The following SP100 variants were observed in gnomAD, a reference collection of about 807,000 sequenced individuals.
SP100 encodes nuclear autoantigen Sp-100.
In SP100, 84 loss-of-function variants were observed where a neutral mutation model predicts 130.0. That is an observed-to-expected ratio of 0.65 (90% CI 0.54 to 0.77). The LOEUF (loss-of-function observed/expected upper bound fraction) is 0.77. Among genes scored for constraint, SP100 ranks in the 30% least tolerant of loss-of-function variants. The pLI is 0.00. For synonymous variants in SP100, 331 were observed against 351.7 expected (o/e 0.94, Z 0.66); for missense variants, 978 against 1,052.2 (o/e 0.93, Z 0.97).
At chr2:230,489,475 C>T (rs1025944708) in intron 17 of SP100, among the ~76,000 whole-genome samples, 3 of 151,566 alleles carry the variant, frequency 2.0e-5, no homozygotes, top group African/African-American at 7.3e-5. Flanking sequence ...ATAACCAGCT[C>T]CTGGTTTTTT....
chr2:230,416,222 A>ACTGCACGCACG lies in SP100; in HGVS notation c.-66_-65insCGCTGCACGCA. 1 of 1,253,544 alleles carries ACTGCACGCACG rather than the reference A, an allele frequency of 8.0e-7. No homozygotes were observed. Among genetic ancestry groups the ACTGCACGCACG allele is most frequent in the Non-Finnish European group, 1.2e-6 (1 of 863,564 alleles). 77.7% of individuals were successfully genotyped at this position (1,253,544 alleles called of 1,614,324 possible). On this transcript the variant is annotated 5_prime_UTR_variant, in exon 1 of 29. Coordinates refer to ENST00000340126, the MANE Select transcript of SP100 (RefSeq NM_001080391.2). The stretch of plus-strand genomic sequence containing the variant: ...TCCTGCTTGGGGCCTGGGCAGCCAC[A>ACTGCACGCACG]CTGCACGCAGGCTGGGCCGACTGAG...
chr2:230,452,440 T>C (rs1456263933), intron 8 of SP100, among the ~76,000 whole-genome samples: 1 of 152,154 alleles, frequency 6.6e-6, no homozygotes, highest in East Asian at 1.9e-4. Context: ...AACTCCTAGA[T>C]GCTGGGATTA....
chr2:230,473,154 G>A (rs2065359140), intron 15 of SP100, 170 bp from the exon 16 acceptor site: 2 of 513,998 alleles, frequency 3.9e-6, no homozygotes, highest in Non-Finnish European at 7.0e-6. Flanking sequence ...GGTTATTTAT[G>A]AACAGAAGGG....
At chr2:230,520,240 T>G (rs1363591794) in intron 24 of SP100, among the ~76,000 whole-genome samples, 1 of 152,160 alleles carries the variant, frequency 6.6e-6, no homozygotes, top group Non-Finnish European at 1.5e-5. Flanking sequence ...GCTGGGGGTA[T>G]GCCCTGACAC....
intron 24 of SP100, among the ~76,000 whole-genome samples, chr2:230,519,218 T>C (rs891818702): frequency 6.6e-6 from 1 of 152,196 alleles, no homozygotes; most frequent in African/African-American, 2.4e-5. Context: ...AAGGGTATTG[T>C]CTGATATTGG....
intron 2 of SP100, 96 bp from the exon 3 acceptor site, chr2:230,442,841 T>G (rs189449087): frequency 2.8e-6 from 3 of 1,056,128 alleles, no homozygotes; most frequent in Non-Finnish European, 2.9e-6. Context: ...ATATGTTCAT[T>G]CTTTGTAGCT....
At chr2:230,470,379 C>A (rs72983756) in intron 15 of SP100, 35,603 of 1,069,300 alleles carry the variant, frequency 0.033, 652 homozygotes, top group Middle Eastern at 0.05. Flanking sequence ...TTTAAACCTG[C>A]TCTCATTCCT....
intron 26 of SP100, 145 bp from the exon 27 acceptor site, chr2:230,541,156 A>G (rs1192705866): frequency 1.6e-6 from 2 of 1,233,950 alleles, no homozygotes; most frequent in Non-Finnish European, 2.3e-6. Context: ...ATTCCAAAGA[A>G]AAATCCCGGT....
At chr2:230,527,351 A>G (rs1008345966) in intron 24 of SP100, among the ~76,000 whole-genome samples, 1 of 152,180 alleles carries the variant, frequency 6.6e-6, no homozygotes, top group African/African-American at 2.4e-5. Flanking sequence ...GGAGAAATAA[A>G]ATTCTTTACA....
intron 18 of SP100, among the ~76,000 whole-genome samples, chr2:230,496,077 T>G (rs1483079147): frequency 2.0e-5 from 3 of 152,220 alleles, no homozygotes; most frequent in African/African-American, 7.2e-5. Context: ...CTTGGTTATA[T>G]TCCAGTTTGT....
At position 230,462,520 on chromosome 2, in the gene SP100, T is replaced by C. The variant is rs1233995112; in HGVS notation, c.1057+2T>C. On this transcript the variant is annotated splice_donor_variant, in intron 10 of 28. Transcript: ENST00000340126. LOFTEE classifies it high-confidence loss of function. ...TCTCAGCACCGAGAAGTGAGCCTGG[T>C]AAGGAAGTTTGGGAGAGCAAGGCTT... 5.6e-6 allele frequency: 9 copies of C among 1,610,622 alleles called. No individual in the cohort carries two copies. Among genetic ancestry groups the C allele is most frequent in the Middle Eastern group, 1.6e-4 (1 of 6,080 alleles).
chr2:230,444,088 T>C, intron 3 of SP100, 90 bp from the exon 4 acceptor site: 3 of 961,342 alleles, frequency 3.1e-6, no homozygotes, highest in Non-Finnish European at 4.6e-6. Flanking sequence ...GTAGAGAAAT[T>C]AGAATACAGT....
At chr2:230,465,704 C>G (rs572531157) in intron 11 of SP100, among the ~76,000 whole-genome samples, 2 of 152,116 alleles carry the variant, frequency 1.3e-5, no homozygotes, top group South Asian at 4.2e-4. Context: ...ACACATTTAC[C>G]CATGTGACAA....
At chr2:230,527,857 A>T (rs1331960669) in intron 24 of SP100, among the ~76,000 whole-genome samples, 1 of 152,182 alleles carries the variant, frequency 6.6e-6, no homozygotes, top group African/African-American at 2.4e-5. Flanking sequence ...ATGGTAAAGG[A>T]ATCAGTTCAA....
intron 17 of SP100, among the ~76,000 whole-genome samples, chr2:230,482,915 C>T (rs2065901574): frequency 6.6e-6 from 1 of 152,118 alleles, no homozygotes; most frequent in Admixed American, 6.5e-5. Context: ...ATTTTGTCAA[C>T]CCTTGAAAAC....
intron 19 of SP100, among the ~76,000 whole-genome samples, chr2:230,499,922 G>A (rs948885611): frequency 1.4e-4 from 21 of 152,090 alleles, no homozygotes; most frequent in African/African-American, 4.8e-4. Flanking sequence ...ATAAGGCCTG[G>A]AGGTGGGGAA....
In SP100 at chr2:230,540,979, C is replaced by A; in HGVS notation, c.2314C>A (p.Leu772Met). 1 of 1,612,070 alleles carries A rather than the reference C, an allele frequency of 6.2e-7. No homozygotes were observed. The highest frequency in any genetic ancestry group is 8.5e-7 in the Non-Finnish European group (1 of 1,178,712). ...ATCTGAAGTCCTGATGAGGCAGATG[C>A]TGCCTGAGGAGCAGTTGGTGAGTAA... ...QESEVLMRQM[L>M]PEEQLKCEFL... is the part of the protein sequence containing the mutation. The change falls in exon 26 of 29, where the codon CTG (leucine) becomes ATG (methionine). Residue 772 changes from leucine (L) to methionine (M), a missense_variant. By Grantham distance (15) the Leu-to-Met change is conservative. Transcript: ENST00000340126.
At position 230,526,253 on chromosome 2, in the gene SP100, G is replaced by A. The variant is rs62193458; in HGVS notation, c.2095-13014G>A. On this transcript the variant is annotated intron_variant, in intron 24 of 28. Transcript: ENST00000340126. The stretch of plus-strand genomic sequence containing the variant: ...ATTTGCTGTTTTGCAGCCTCTGGTG[G>A]TGATACCCAGGCAAACAGGGTCTGG... 3.9e-3 allele frequency among the ~76,000 whole-genome samples: 600 copies of A among 152,278 alleles called. 1 individual carries two copies. The highest frequency in any genetic ancestry group is 6.9e-3 in the Non-Finnish European group (466 of 68,010).
At chr2:230,416,871 A>C in intron 1 of SP100, 1 of 985,468 alleles carries the variant, frequency 1.0e-6, no homozygotes, top group Non-Finnish European at 1.2e-6. Context: ...AAGGGAAGAA[A>C]AAGGCCCAGG....
Sources: gnomAD v4.1 joint callset for allele counts (sites outside exome capture counted in the v4.1 genomes callset) on GRCh38, gnomAD v4.1.1 for gene constraint, MANE v1.5 for transcripts, NCBI Gene and HGNC (gene_info 2026-07-23, HGNC 2026-07-21) for gene names.